Variants in ENTREP2 observed in about 807,000 individuals in gnomAD.
ENTREP2 encodes endosomal transmembrane epsin interactor 2, also known as protein ENTREP2.
chr15:29,132,937 G>T, the ENTREP2 span, among the ~76,000 whole-genome samples: 167 of 152,272 alleles, frequency 1.1e-3, no homozygotes, highest in African/African-American at 3.8e-3. Flanking sequence ...CAGCAGGCAG[G>T]GTCACTGAGC....
At chr15:29,437,421 TA>T in the ENTREP2 span, among the ~76,000 whole-genome samples, 1 of 152,248 alleles carries the variant, frequency 6.6e-6, no homozygotes, top group African/African-American at 2.4e-5. Flanking sequence ...AAGATGATCC[TA>T]AAAACACTGT....
chr15:29,656,151 G>T, the ENTREP2 span, among the ~76,000 whole-genome samples: 5 of 149,682 alleles, frequency 3.3e-5, no homozygotes, highest in African/African-American at 7.4e-5. Context: ...AAAGAATAAA[G>T]AATTTTTCAT....
the ENTREP2 span, among the ~76,000 whole-genome samples, chr15:29,581,367 C>T: frequency 0.51 from 76,926 of 151,960 alleles, 21,823 homozygotes; most frequent in Non-Finnish European, 0.65. Flanking sequence ...ACCAGAAAGA[C>T]ATAACCACAA....
At chr15:29,140,639 G>A in the ENTREP2 span, among the ~76,000 whole-genome samples, 1 of 151,936 alleles carries the variant, frequency 6.6e-6, no homozygotes, top group Non-Finnish European at 1.5e-5. Flanking sequence ...CTTTCACCTG[G>A]CGCCTCCCAG....
At chr15:29,539,589 T>C in the ENTREP2 span, among the ~76,000 whole-genome samples, 6 of 152,098 alleles carry the variant, frequency 3.9e-5, no homozygotes, top group Admixed American at 3.9e-4. Context: ...CAGTCCCACA[T>C]GCCCTGCCCC....
chr15:29,196,866 C>T, the ENTREP2 span, among the ~76,000 whole-genome samples: 1 of 152,184 alleles, frequency 6.6e-6, no homozygotes, highest in Non-Finnish European at 1.5e-5. Context: ...GATTGAAAGT[C>T]ACTCATGCTG....
At chr15:29,469,420 G>A in the ENTREP2 span, among the ~76,000 whole-genome samples, 1 of 152,092 alleles carries the variant, frequency 6.6e-6, no homozygotes, top group African/African-American at 2.4e-5. Context: ...GGCTGGTCTC[G>A]AACTACTGAC....
the ENTREP2 span, among the ~76,000 whole-genome samples, chr15:29,337,577 G>T: frequency 7.4e-4 from 113 of 152,288 alleles, 1 homozygote; most frequent in Admixed American, 1.9e-3. Flanking sequence ...TCCCTAGAGA[G>T]CGTGGTCCAA....
At chr15:29,215,024 C>A in the ENTREP2 span, among the ~76,000 whole-genome samples, 5 of 152,312 alleles carry the variant, frequency 3.3e-5, no homozygotes, top group East Asian at 7.7e-4. Context: ...TTGTCTTGTG[C>A]TGTCAGTAGA....
chr15:29,399,520 C>T, the ENTREP2 span, among the ~76,000 whole-genome samples: 1 of 151,994 alleles, frequency 6.6e-6, no homozygotes, highest in African/African-American at 2.4e-5. Context: ...AATAAGAAAC[C>T]ATAAGAAAAT....
the ENTREP2 span, among the ~76,000 whole-genome samples, chr15:29,317,818 G>C: frequency 2.4e-3 from 370 of 152,194 alleles, no homozygotes; most frequent in African/African-American, 8.6e-3. Context: ...CATCCGACCC[G>C]GGTGGGATGA....
the ENTREP2 span, among the ~76,000 whole-genome samples, chr15:29,377,823 A>AAAAAATAATAATAAT: frequency 6.2e-5 from 7 of 113,018 alleles, no homozygotes; most frequent in Non-Finnish European, 8.6e-5. Flanking sequence ...TCTGTCTCAA[A>AAAAAATAATAATAAT]AATAATAATA....
At chr15:29,139,407 A>ATGCC in the ENTREP2 span, among the ~76,000 whole-genome samples, 1 of 152,254 alleles carries the variant, frequency 6.6e-6, no homozygotes, top group Non-Finnish European at 1.5e-5. Context: ...GTCAGTCCTG[A>ATGCC]TGCCTGCTGC....
the ENTREP2 span, among the ~76,000 whole-genome samples, chr15:29,247,787 T>A: frequency 1.3e-5 from 2 of 152,060 alleles, no homozygotes; most frequent in South Asian, 4.1e-4. Flanking sequence ...GTAGGACAGG[T>A]AAGCAAATTA....
chr15:29,649,301 A>G, the ENTREP2 span, among the ~76,000 whole-genome samples: 3 of 152,232 alleles, frequency 2.0e-5, no homozygotes, highest in Non-Finnish European at 4.4e-5. Flanking sequence ...CAGATATTAA[A>G]CAAAGGAAGT....
At chr15:29,622,017 A>G in the ENTREP2 span, among the ~76,000 whole-genome samples, 6 of 152,140 alleles carry the variant, frequency 3.9e-5, no homozygotes, top group African/African-American at 1.4e-4. Flanking sequence ...GACTCATCAA[A>G]TTCACAAAGA....
chr15:29,625,018 C>A, the ENTREP2 span, among the ~76,000 whole-genome samples: 1 of 152,074 alleles, frequency 6.6e-6, no homozygotes, highest in African/African-American at 2.4e-5. Flanking sequence ...CCTATCCAGG[C>A]TCACCCATCC....
the ENTREP2 span, among the ~76,000 whole-genome samples, chr15:29,140,323 T>C: frequency 6.6e-6 from 1 of 152,190 alleles, no homozygotes; most frequent in Non-Finnish European, 1.5e-5. Flanking sequence ...AGACGCCTCC[T>C]TGCGGGGCAA....
At chr15:29,491,936 C>A in the ENTREP2 span, among the ~76,000 whole-genome samples, 2 of 152,188 alleles carry the variant, frequency 1.3e-5, no homozygotes, top group Non-Finnish European at 2.9e-5. Flanking sequence ...ATCAGCTAGA[C>A]CTTTTCCTGC....
Sources: allele counts gnomAD v4.1 joint callset (sites outside exome capture counted in the v4.1 genomes callset), GRCh38; gene constraint gnomAD v4.1.1; transcripts MANE v1.5; gene names NCBI Gene and HGNC (gene_info 2026-07-23, HGNC 2026-07-21).